The following BICD1 variants were observed in gnomAD, a reference collection of about 807,000 sequenced individuals.
BICD1 encodes the protein protein bicaudal D homolog 1.
BICD1 carries 35 observed loss-of-function variants against 92.5 expected under a neutral mutation model. The ratio of observed to expected loss-of-function variants is 0.38; its 90% CI spans 0.29 to 0.50. The LOEUF (loss-of-function observed/expected upper bound fraction) is 0.50, where lower values mean the gene tolerates loss of function less well. Ranked by LOEUF, BICD1 falls within the 20% of genes least tolerant of loss-of-function variation. The pLI is 0.93. For synonymous variants in BICD1, 429 were observed against 465.1 expected, an observed-to-expected ratio of 0.92 and a Z score of 1.00; for missense variants, 950 against 1,189.8, an observed-to-expected ratio of 0.80 and a Z score of 2.97.
At chr12:32,299,562 C>T (rs1947974901) in intron 3 of BICD1, among the ~76,000 whole-genome samples, 1 of 152,108 alleles carries the variant, frequency 6.6e-6, no homozygotes, top group Non-Finnish European at 1.5e-5. Flanking sequence ...AGTGAAGCTG[C>T]CCAGACAGAA....
rs3075972 is a variant in BICD1, at chr12:32,342,204, GTATATATA to G, written c.2764+3247_2764+3254del. 3.3e-3 allele frequency among the ~76,000 whole-genome samples: 391 copies of G among 119,302 alleles called. 3 individuals are homozygous for G. Among genetic ancestry groups the G allele is most frequent in the African/African-American group, 0.012 (367 of 31,180 alleles). The allele number at this position is 119,302 out of a possible 152,430, so 78.3% of individuals were successfully genotyped here. The stretch of plus-strand genomic sequence containing the variant: ...TGTGTATATATATATGTGTGTGTGT[GTATATATA>G]TATATATATATATATATATATGTAT... On this transcript the variant is annotated intron_variant, in intron 8 of 9. Transcript: ENST00000652176.
chr12:32,293,259 C>T (rs261875), intron 2 of BICD1, among the ~76,000 whole-genome samples: 104,226 of 152,004 alleles, frequency 0.69, 35,879 homozygotes, highest in Middle Eastern at 0.78. Context: ...ACTTGCTTTT[C>T]ACATTTAATA....
At chr12:32,284,909 A>G (rs941386299) in intron 2 of BICD1, among the ~76,000 whole-genome samples, 1 of 152,180 alleles carries the variant, frequency 6.6e-6, no homozygotes, top group African/African-American at 2.4e-5. Flanking sequence ...ATTTTATTCT[A>G]CAAAATAGCA....
At chr12:32,245,255 T>TTGTTTTTTG (rs34424430) in intron 2 of BICD1, among the ~76,000 whole-genome samples, 1 of 150,910 alleles carries the variant, frequency 6.6e-6, no homozygotes, top group Non-Finnish European at 1.5e-5. Flanking sequence ...TTTTTGTTTT[T>TTGTTTTTTG]TTTTTTTTTG....
chr12:32,225,980 G>C (rs543687477), intron 2 of BICD1, among the ~76,000 whole-genome samples: 1 of 152,116 alleles, frequency 6.6e-6, no homozygotes, highest in African/African-American at 2.4e-5. Flanking sequence ...ATCTCATTAT[G>C]GTTTTAATTT....
intron 1 of BICD1, among the ~76,000 whole-genome samples, chr12:32,188,556 C>T (rs10743784): frequency 0.99 from 151,347 of 152,344 alleles, 75,194 homozygotes; most frequent in Middle Eastern, 1. Flanking sequence ...CTGACATTAC[C>T]TGCCAACATT....
Position 32,234,363 on chromosome 12 carries a change from C to T in BICD1, c.426+17904C>T, listed in dbSNP as rs971833098. On this transcript the variant is annotated intron_variant, in intron 2 of 9. Coordinates refer to ENST00000652176, the MANE Select transcript of BICD1 (RefSeq NM_001714.4). ...CTGTAATCCCAGCACTTTGGGAGGC[C>T]GAGGCGGGCAGATCACCGGAGGTCG... Among the ~76,000 whole-genome samples the T allele has an allele frequency of 5.9e-5, 9 of 151,650 alleles. No individual in the cohort carries two copies. In the South Asian group the frequency reaches 8.3e-4, roughly 14 times the overall value.
intron 2 of BICD1, among the ~76,000 whole-genome samples, chr12:32,237,177 G>A (rs754808808): frequency 5.3e-5 from 8 of 152,114 alleles, no homozygotes; most frequent in Non-Finnish European, 8.8e-5. Flanking sequence ...ACTGTGCTTG[G>A]CCACCAAACC....
At chr12:32,191,048 G>C (rs1944549119) in intron 1 of BICD1, among the ~76,000 whole-genome samples, 1 of 152,102 alleles carries the variant, frequency 6.6e-6, no homozygotes, top group South Asian at 2.1e-4. Flanking sequence ...AATGCAAATG[G>C]ATACACAACA....
chr12:32,339,680 A>G (rs1938285728), intron 8 of BICD1: 1 of 985,352 alleles, frequency 1.0e-6, no homozygotes, highest in Non-Finnish European at 1.2e-6. Flanking sequence ...TCTTGCAAAT[A>G]AAAATCATCC....
intron 1 of BICD1, among the ~76,000 whole-genome samples, chr12:32,184,444 G>A (rs545981583): frequency 6.6e-6 from 1 of 151,972 alleles, no homozygotes; most frequent in Non-Finnish European, 1.5e-5. Context: ...ATGCCACCAC[G>A]CCCAGCTAAT....
intron 1 of BICD1, among the ~76,000 whole-genome samples, chr12:32,120,459 T>C (rs561699059): frequency 1.3e-4 from 20 of 152,302 alleles, no homozygotes; most frequent in Non-Finnish European, 2.6e-4. Flanking sequence ...TTCAGAATGA[T>C]GGGTCTTTGT....
chr12:32,189,839 C>CCG (rs1397676849), intron 1 of BICD1, among the ~76,000 whole-genome samples: 5 of 151,910 alleles, frequency 3.3e-5, no homozygotes, highest in African/African-American at 1.2e-4. Context: ...GCTGGGACTA[C>CCG]AGGCACGCAC....
At chr12:32,177,682 A>ATTCTTT (rs766041969) in intron 1 of BICD1, among the ~76,000 whole-genome samples, 3 of 43,036 alleles carry the variant, frequency 7.0e-5, no homozygotes, top group Non-Finnish European at 1.3e-4. Flanking sequence ...AAGAAAACAC[A>ATTCTTT]TTATTAAAGT....
intron 2 of BICD1, among the ~76,000 whole-genome samples, chr12:32,232,711 T>G (rs1352352021): frequency 1.3e-5 from 2 of 152,198 alleles, no homozygotes; most frequent in East Asian, 3.8e-4. Flanking sequence ...CTAGGGTTTT[T>G]ATGGTTTTAG....
At chr12:32,339,642 G>A in intron 8 of BICD1, 2 of 985,266 alleles carry the variant, frequency 2.0e-6, no homozygotes. Flanking sequence ...ACTTGAAAAT[G>A]TGACATATGG....
chr12:32,256,564 T>A (rs1946726949), intron 2 of BICD1, among the ~76,000 whole-genome samples: 1 of 152,314 alleles, frequency 6.6e-6, no homozygotes, highest in Middle Eastern at 3.4e-3. Flanking sequence ...TAGAAAATGA[T>A]AAAGAAAAGT....
chr12:32,252,061 T>TTATATATTTATAATATATATTTATAAA (rs1946550277), intron 2 of BICD1, among the ~76,000 whole-genome samples: 5 of 77,880 alleles, frequency 6.4e-5, no homozygotes, highest in South Asian at 3.8e-4. Context: ...ATATTATATA[T>TTATATATTTATAATATATATTTATAAA]TATATATTTA....
chr12:32,376,882 G>T (rs996920422), intron 9 of BICD1, among the ~76,000 whole-genome samples: 2 of 143,666 alleles, frequency 1.4e-5, no homozygotes, highest in Admixed American at 7.0e-5. Flanking sequence ...AAAAAGGGGG[G>T]GGGGGGTGAA....
Sources: allele counts gnomAD v4.1 joint callset (sites outside exome capture counted in the v4.1 genomes callset), GRCh38; gene constraint gnomAD v4.1.1; transcripts MANE v1.5; gene names NCBI Gene and HGNC (gene_info 2026-07-23, HGNC 2026-07-21).